Variants in RIMKLA observed in about 807,000 individuals in gnomAD.
RIMKLA encodes N-acetylaspartylglutamate synthase A.
RIMKLA carries 14 observed loss-of-function variants against 32.7 expected under a neutral mutation model. The observed-to-expected ratio is 0.43, with a 90% CI of 0.28 to 0.67. The LOEUF is 0.67. Among genes scored for constraint, RIMKLA ranks in the 30% least tolerant of loss-of-function variants. The probability of loss-of-function intolerance (pLI) is 0.18; values close to 1 mark genes in which losing one functional copy is unlikely to be tolerated. For missense variants in RIMKLA, 410 were observed against 519.0 expected, an observed-to-expected ratio of 0.79 and a Z score of 2.04; for synonymous variants, 176 against 204.1, an observed-to-expected ratio of 0.86 and a Z score of 1.18.
chr1:42,413,465 C>T (rs1188282770), intron 4 of RIMKLA, among the ~76,000 whole-genome samples: 1 of 143,986 alleles, frequency 6.9e-6, no homozygotes, highest in African/African-American at 2.6e-5. Flanking sequence ...GATCACACCA[C>T]TGCACTTCAG....
chr1:42,418,164 CAT>C lies in RIMKLA; in HGVS notation c.*3192_*3193del, dbSNP rs1643267287. ...AACTAACAAAGTCTTCCTTATGTAA[CAT>C]AGATTGCAGTGTCTGTATATGGTCT... On this transcript the variant is annotated 3_prime_UTR_variant, in exon 5 of 5. Coordinates refer to ENST00000431473, the MANE Select transcript of RIMKLA (RefSeq NM_173642.4). 1 of 152,190 alleles carries C rather than the reference CAT, an allele frequency of 6.6e-6. No homozygotes were observed. Among genetic ancestry groups the C allele is most frequent in the Non-Finnish European group, 1.5e-5 (1 of 68,050 alleles). 9.4% of individuals were successfully genotyped at this position (152,190 alleles called of 1,614,324 possible). A position where few individuals can be genotyped will look rare whatever the true frequency, so the allele number is the denominator to read the frequency against.
At chr1:42,409,928 A>G (rs528509386) in intron 3 of RIMKLA, 56 bp from the exon 4 acceptor site, 7 of 1,393,356 alleles carry the variant, frequency 5.0e-6, no homozygotes, top group African/African-American at 1.4e-5. Context: ...CCAGATGGCA[A>G]GTACAGAGTC....
At chr1:42,403,402 G>A (rs944251624) in intron 2 of RIMKLA, among the ~76,000 whole-genome samples, 13 of 152,200 alleles carry the variant, frequency 8.5e-5, no homozygotes, top group Non-Finnish European at 2.9e-5. Flanking sequence ...AATAGAGGGC[G>A]GATGTAGTCC....
chr1:42,399,682 C>G, intron 2 of RIMKLA, 48 bp downstream of exon 2: 1 of 1,186,768 alleles, frequency 8.4e-7, no homozygotes, highest in Non-Finnish European at 1.2e-6. Context: ...TCTCTGTTTT[C>G]TTTCCTTAGA....
intron 1 of RIMKLA, among the ~76,000 whole-genome samples, chr1:42,397,538 C>T (rs897577482): frequency 6.6e-6 from 1 of 152,086 alleles, no homozygotes; most frequent in Admixed American, 6.6e-5. Context: ...GCCTAGGCAA[C>T]ATAGCAAGAC....
intron 4 of RIMKLA, 144 bp from the exon 5 acceptor site, chr1:42,414,340 A>G: frequency 1.2e-6 from 1 of 827,874 alleles, no homozygotes; most frequent in Non-Finnish European, 1.9e-6. Context: ...TGTTTTCCCA[A>G]GGTGTACTGA....
Position 42,404,532 on chromosome 1 carries a change from A to C in RIMKLA, c.416A>C (p.Lys139Thr), listed in dbSNP as rs771233628. The change falls in exon 3 of 5, where the codon AAA (lysine) becomes ACA (threonine). Residue 139 changes from lysine to threonine, a missense_variant. Transcript: ENST00000431473. ...FSYGGHEDFS[K>T]MIDEAEPLGY... ...GCAGGTGGGCATGAAGACTTTTCAAAAATGATTGATGAAGCTGAGCCCCTG... is the reference window on the plus strand; with the variant it reads ...GCAGGTGGGCATGAAGACTTTTCAACAATGATTGATGAAGCTGAGCCCCTG... 2 of 1,613,796 alleles carry C rather than the reference A, an allele frequency of 1.2e-6. No individual in the cohort carries two copies. Among genetic ancestry groups the C allele is most frequent in the Non-Finnish European group, 8.5e-7 (1 of 1,179,836 alleles).
intron 1 of RIMKLA, among the ~76,000 whole-genome samples, chr1:42,385,827 C>CTTTCTTTCTTTCTCTCTCTCTCTCT (rs1557749845): frequency 1.1e-5 from 1 of 89,388 alleles, no homozygotes; most frequent in African/African-American, 4.1e-5. Context: ...TTCCTTCCTT[C>CTTTCTTTCTTTCTCTCTCTCTCTCT]CTTTCTTTCT....
chr1:42,405,784 G>A (rs1643139166), intron 3 of RIMKLA, among the ~76,000 whole-genome samples: 1 of 152,214 alleles, frequency 6.6e-6, no homozygotes, highest in African/African-American at 2.4e-5. Context: ...AAGCCTACAG[G>A]AGGGAGGGGA....
chr1:42,389,887 A>G (rs1642985863), intron 1 of RIMKLA, among the ~76,000 whole-genome samples: 1 of 152,142 alleles, frequency 6.6e-6, no homozygotes, highest in Admixed American at 6.5e-5. Flanking sequence ...GTGTAGCATT[A>G]GCAACCCCAA....
chr1:42,413,870 C>A (rs1183509759), intron 4 of RIMKLA, among the ~76,000 whole-genome samples: 1 of 149,052 alleles, frequency 6.7e-6, no homozygotes, highest in African/African-American at 2.5e-5. Flanking sequence ...GTAGCTGGAA[C>A]TGCAGCTGGG....
chr1:42,399,621 C>A lies in RIMKLA; in HGVS notation c.381C>A (p.Asp127Glu). ...ELAGHGVPMP[D>E]TFSYGGHEDF... is the part of the protein sequence containing the mutation. Reference sequence around the variant, plus strand: ...CTGGACATGGGGTCCCCATGCCAGACACCTTCTCCTATGGTGAGTCAGCTT... The same window carrying A: ...CTGGACATGGGGTCCCCATGCCAGAAACCTTCTCCTATGGTGAGTCAGCTT... The change falls in exon 2 of 5, where the codon GAC becomes GAA. Residue 127 changes from aspartate to glutamate, a missense_variant. Physicochemically the swap from Asp to Glu is conservative, Grantham distance 45. Coordinates refer to ENST00000431473, the MANE Select transcript of RIMKLA (RefSeq NM_173642.4). The A allele has an allele frequency of 6.2e-7, 1 of 1,603,232 alleles. No individual in the cohort carries two copies. The highest frequency in any genetic ancestry group is 8.5e-7 in the Non-Finnish European group (1 of 1,173,240).
intron 3 of RIMKLA, among the ~76,000 whole-genome samples, chr1:42,405,556 A>T (rs1438637754): frequency 6.6e-6 from 1 of 152,162 alleles, no homozygotes; most frequent in Non-Finnish European, 1.5e-5. Context: ...CCCTAAATAG[A>T]TACATAGTGA....
chr1:42,413,441 T>C (rs1346218383), intron 4 of RIMKLA, among the ~76,000 whole-genome samples: 1 of 148,166 alleles, frequency 6.7e-6, no homozygotes, highest in Non-Finnish European at 1.5e-5. Flanking sequence ...GAGGCGGAGG[T>C]TGCAGTGAGT....
At chr1:42,398,018 G>A (rs1237647818) in intron 1 of RIMKLA, among the ~76,000 whole-genome samples, 2 of 152,074 alleles carry the variant, frequency 1.3e-5, no homozygotes, top group Non-Finnish European at 2.9e-5. Context: ...ATGAGCCTTG[G>A]CCCTTACATC....
intron 1 of RIMKLA, among the ~76,000 whole-genome samples, chr1:42,393,426 A>G (rs1401008114): frequency 6.6e-6 from 1 of 152,198 alleles, no homozygotes; most frequent in Non-Finnish European, 1.5e-5. Flanking sequence ...ATTCCTGCTT[A>G]GTAGTGTGTC....
chr1:42,390,671 G>A (rs893244843), intron 1 of RIMKLA, among the ~76,000 whole-genome samples: 6 of 152,156 alleles, frequency 3.9e-5, no homozygotes, highest in African/African-American at 1.4e-4. Flanking sequence ...TGAGAAGATG[G>A]GACAAAGTAA....
rs1643285643 is a variant in RIMKLA, at chr1:42,420,401, A to C, written c.*5427A>C. 1 of 152,162 alleles carries C rather than the reference A, an allele frequency of 6.6e-6. No homozygotes were observed. Among genetic ancestry groups the C allele is most frequent in the African/African-American group, 2.4e-5 (1 of 41,418 alleles). 9.4% of individuals were successfully genotyped at this position (152,162 alleles called of 1,614,324 possible). A position where few individuals can be genotyped will look rare whatever the true frequency, so the allele number is the denominator to read the frequency against. On this transcript the variant is annotated 3_prime_UTR_variant, in exon 5 of 5. Transcript: ENST00000431473. ...AGTGCAGACTCGGCACCCCATTTAT[A>C]GAATGTTCTTTTTATATACTATGGA... is the stretch of plus-strand genomic sequence containing the variant.
At position 42,417,409 on chromosome 1, in the gene RIMKLA, A is replaced by T. The variant is rs577813316; in HGVS notation, c.*2435A>T. ...AGCCTCAGCCAGGTGGCCAGGCTAT[A>T]CTTGTCACAGCTGGCCACAGGCCTG... On this transcript the variant is annotated 3_prime_UTR_variant, in exon 5 of 5. Coordinates refer to ENST00000431473, the MANE Select transcript of RIMKLA (RefSeq NM_173642.4). 9.2e-5 allele frequency: 14 copies of T among 152,312 alleles called. No homozygotes were observed. Among genetic ancestry groups the T allele is most frequent in the African/African-American group, 3.4e-4 (14 of 41,574 alleles). The allele number at this position is 152,312 out of a possible 1,614,324, so 9.4% of individuals were successfully genotyped here. A position where few individuals can be genotyped will look rare whatever the true frequency, so the allele number is the denominator to read the frequency against.
Sources: gnomAD v4.1 joint callset for allele counts (sites outside exome capture counted in the v4.1 genomes callset) on GRCh38, gnomAD v4.1.1 for gene constraint, MANE v1.5 for transcripts, NCBI Gene and HGNC (gene_info 2026-07-23, HGNC 2026-07-21) for gene names.